Variants in CCBE1 observed in about 807,000 individuals in gnomAD.
CCBE1 encodes the protein collagen and calcium-binding EGF domain-containing protein 1.
Under a neutral mutation model 50.0 loss-of-function variants are expected in CCBE1, and 37 were observed. That is an observed-to-expected ratio of 0.74 (90% confidence interval 0.57 to 0.97). The LOEUF is 0.97. Among genes scored for constraint, CCBE1 ranks in the 50% least tolerant of loss-of-function variants. The pLI is 0.00. For synonymous variants in CCBE1, 234 were observed against 203.7 expected, an observed-to-expected ratio of 1.15 and a Z score of -1.27; for missense variants, 538 against 523.8, an observed-to-expected ratio of 1.03 and a Z score of -0.26.
At chr18:59,668,617 T>TTG (rs1327822104) in intron 2 of CCBE1, among the ~76,000 whole-genome samples, 1 of 152,060 alleles carries the variant, frequency 6.6e-6, no homozygotes, top group Non-Finnish European at 1.5e-5. Context: ...CATTTAGGTT[T>TTG]TGTTCAGTTT....
Position 59,658,209 on chromosome 18 carries a change from A to G in CCBE1, c.212+38420T>C, listed in dbSNP as rs1224310989. Among the ~76,000 whole-genome samples the G allele has an allele frequency of 1.4e-4, 20 of 148,048 alleles. No homozygotes were observed. In the Admixed American group the frequency reaches 1.4e-3, roughly 10 times the overall value. On this transcript the variant is annotated intron_variant, in intron 2 of 10. Transcript: ENST00000439986. The stretch of plus-strand genomic sequence containing the variant: ...ATTCAATGGTACCTGGCACATAAGC[A>G]CTCAACAAACATTACAGGGCACAGT...
rs191931354 is a variant in CCBE1 at position 59,642,010 on chromosome 18, A to G, written c.212+54619T>C. ...GAGAGAATGCAGGTAGATATTGAGAAAAAATGTATAAACCATGAAGGAAAA... is the reference window on the plus strand; with the variant it reads ...GAGAGAATGCAGGTAGATATTGAGAGAAAATGTATAAACCATGAAGGAAAA... On this transcript the variant is annotated intron_variant, in intron 2 of 10. Transcript: ENST00000439986. Among the ~76,000 whole-genome samples the G allele has an allele frequency of 2.6e-3, 394 of 152,298 alleles. 9 individuals are homozygous for G. In the East Asian group the frequency reaches 0.037, roughly 14 times the overall value.
intron 6 of CCBE1, among the ~76,000 whole-genome samples, chr18:59,450,290 T>C (rs1910870323): frequency 6.6e-6 from 1 of 152,216 alleles, no homozygotes; most frequent in Non-Finnish European, 1.5e-5. Flanking sequence ...TTTGTAGAGC[T>C]CTTTCTAGAT....
chr18:59,643,208 C>G (rs995361948), intron 2 of CCBE1, among the ~76,000 whole-genome samples: 1 of 152,004 alleles, frequency 6.6e-6, no homozygotes, highest in Non-Finnish European at 1.5e-5. Flanking sequence ...GTTATTTATC[C>G]CAATCTAGTA....
chr18:59,580,977 G>C (rs1396663848), intron 2 of CCBE1, among the ~76,000 whole-genome samples: 1 of 152,196 alleles, frequency 6.6e-6, no homozygotes, highest in African/African-American at 2.4e-5. Context: ...GCTCTGTGCT[G>C]CCGCTTTTGA....
At chr18:59,552,916 C>T (rs550302495) in intron 2 of CCBE1, among the ~76,000 whole-genome samples, 2 of 152,306 alleles carry the variant, frequency 1.3e-5, no homozygotes, top group Admixed American at 1.3e-4. Flanking sequence ...AGCTGTCCCA[C>T]CTGTCCAGCC....
intron 2 of CCBE1, among the ~76,000 whole-genome samples, chr18:59,528,255 CTGTT>C (rs1914906649): frequency 6.6e-6 from 1 of 152,194 alleles, no homozygotes; most frequent in African/African-American, 2.4e-5. Context: ...ATTCTTTCCT[CTGTT>C]TGGTCTATTT....
At chr18:59,635,203 A>G (rs2053899298) in intron 2 of CCBE1, among the ~76,000 whole-genome samples, 1 of 152,378 alleles carries the variant, frequency 6.6e-6, no homozygotes, top group South Asian at 2.1e-4. Flanking sequence ...TGACAATGAA[A>G]TCATAGCTTC....
intron 2 of CCBE1, among the ~76,000 whole-genome samples, chr18:59,498,719 T>G (rs1913472885): frequency 6.6e-6 from 1 of 152,224 alleles, no homozygotes; most frequent in African/African-American, 2.4e-5. Flanking sequence ...TTGCTTTCTG[T>G]CTGGCTGGCT....
chr18:59,673,024 C>G (rs2054455958), intron 2 of CCBE1, among the ~76,000 whole-genome samples: 1 of 152,116 alleles, frequency 6.6e-6, no homozygotes, highest in Non-Finnish European at 1.5e-5. Flanking sequence ...AAATTTAAGA[C>G]TAAGAAATAA....
chr18:59,499,346 G>A (rs1321485062), intron 2 of CCBE1, among the ~76,000 whole-genome samples: 2 of 152,108 alleles, frequency 1.3e-5, no homozygotes, highest in Admixed American at 6.5e-5. Context: ...AAGGGAGGTA[G>A]GGGGGCTTTC....
intron 2 of CCBE1, among the ~76,000 whole-genome samples, chr18:59,669,452 AC>A (rs1164213056): frequency 6.6e-6 from 1 of 152,186 alleles, no homozygotes; most frequent in Non-Finnish European, 1.5e-5. Context: ...CCTGGCTGTG[AC>A]CACAGCACTG....
chr18:59,467,872 T>TC (rs35009926), intron 4 of CCBE1, among the ~76,000 whole-genome samples: 151,378 of 152,220 alleles, frequency 0.99, 75,274 homozygotes, highest in Middle Eastern at 1. Flanking sequence ...ATCTGGACGC[T>TC]CCCCGGCAGT....
chr18:59,655,101 G>A (rs200292960), intron 2 of CCBE1, among the ~76,000 whole-genome samples: 7 of 93,056 alleles, frequency 7.5e-5, no homozygotes, highest in Admixed American at 1.1e-4. Flanking sequence ...AAAAAAAAAA[G>A]CCCAGAGAAA....
intron 2 of CCBE1, among the ~76,000 whole-genome samples, chr18:59,618,454 A>C (rs1182249198): frequency 1.4e-5 from 2 of 138,272 alleles, no homozygotes; most frequent in African/African-American, 5.7e-5. Context: ...TTTTTTTTTG[A>C]GACAGAGTCT....
intron 5 of CCBE1, among the ~76,000 whole-genome samples, chr18:59,459,766 C>A (rs1239616198): frequency 1.3e-5 from 2 of 152,200 alleles, no homozygotes; most frequent in Non-Finnish European, 2.9e-5. Context: ...CCCGGAGGCA[C>A]ATTACAATCA....
intron 2 of CCBE1, among the ~76,000 whole-genome samples, chr18:59,643,008 C>A (rs1455898501): frequency 6.7e-6 from 1 of 150,102 alleles, no homozygotes; most frequent in Admixed American, 6.7e-5. Flanking sequence ...AAGTAGAGGG[C>A]TACAGTACAG....
At chr18:59,625,744 T>C (rs1465033714) in intron 2 of CCBE1, among the ~76,000 whole-genome samples, 1 of 152,094 alleles carries the variant, frequency 6.6e-6, no homozygotes, top group Non-Finnish European at 1.5e-5. Context: ...GTAACTGCTA[T>C]GGTCTGAATG....
chr18:59,607,504 A>T (rs919406927), intron 2 of CCBE1, among the ~76,000 whole-genome samples: 2 of 152,204 alleles, frequency 1.3e-5, no homozygotes, highest in Admixed American at 6.5e-5. Flanking sequence ...TAAAGATAAA[A>T]TTGTGAAGCA....
Sources: allele counts gnomAD v4.1 joint callset (sites outside exome capture counted in the v4.1 genomes callset), GRCh38; gene constraint gnomAD v4.1.1; transcripts MANE v1.5; gene names NCBI Gene and HGNC (gene_info 2026-07-23, HGNC 2026-07-21).